The following ULK4 variants were observed in gnomAD, a reference collection of about 807,000 sequenced individuals.
ULK4 encodes inactive serine/threonine-protein kinase ULK4.
In ULK4, 133 loss-of-function variants were observed where a neutral mutation model predicts 160.6. The ratio of observed to expected loss-of-function variants is 0.83; its 90% CI spans 0.72 to 0.96. The LOEUF is 0.96. Ranked by LOEUF, ULK4 falls within the 40% of genes least tolerant of loss-of-function variation. The pLI is 0.00. For missense variants in ULK4, 1,580 were observed against 1,499.5 expected (o/e 1.05, Z -0.89); for synonymous variants, 534 against 539.8 (o/e 0.99, Z 0.15).
At chr3:41,496,586 T>C (rs776093931) in intron 32 of ULK4, among the ~76,000 whole-genome samples, 4 of 151,606 alleles carry the variant, frequency 2.6e-5, no homozygotes, top group Admixed American at 6.6e-5. Flanking sequence ...CCTGGTAGAG[T>C]AATAAAGAAA....
At chr3:41,388,497 T>A (rs1408070056) in intron 35 of ULK4, among the ~76,000 whole-genome samples, 1 of 152,154 alleles carries the variant, frequency 6.6e-6, no homozygotes, top group Non-Finnish European at 1.5e-5. Flanking sequence ...CTAGGGTTTT[T>A]ATGGTTTTAG....
At chr3:41,895,134 G>T (rs564950508) in intron 16 of ULK4, among the ~76,000 whole-genome samples, 1 of 152,276 alleles carries the variant, frequency 6.6e-6, no homozygotes, top group African/African-American at 2.4e-5. Context: ...AGTTAGCCAG[G>T]CACAGTGGCT....
chr3:41,656,815 T>C (rs1475278201), intron 30 of ULK4, among the ~76,000 whole-genome samples: 5 of 152,082 alleles, frequency 3.3e-5, no homozygotes, highest in Non-Finnish European at 7.4e-5. Context: ...ATACAGAACA[T>C]AAACAATTTT....
intron 32 of ULK4, among the ~76,000 whole-genome samples, chr3:41,498,029 T>C (rs944601349): frequency 1.3e-5 from 2 of 152,186 alleles, no homozygotes; most frequent in African/African-American, 4.8e-5. Flanking sequence ...ATAGAAAATC[T>C]GAATAGCGTT....
chr3:41,918,332 CTT>C (rs1699044172), intron 7 of ULK4, 123 bp downstream of exon 7: 1 of 571,368 alleles, frequency 1.8e-6, no homozygotes, highest in African/African-American at 1.9e-5. Flanking sequence ...AAAATATCAA[CTT>C]GGGATCATTT....
At chr3:41,912,149 G>A (rs1253425763) in intron 9 of ULK4, among the ~76,000 whole-genome samples, 1 of 151,978 alleles carries the variant, frequency 6.6e-6, no homozygotes, top group Non-Finnish European at 1.5e-5. Flanking sequence ...GCAACATGGT[G>A]AAACCCTGTC....
intron 35 of ULK4, among the ~76,000 whole-genome samples, chr3:41,359,217 T>A (rs1238365495): frequency 6.6e-6 from 1 of 152,136 alleles, no homozygotes; most frequent in Non-Finnish European, 1.5e-5. Flanking sequence ...GAGGTGCCAA[T>A]GAGCCAAGTG....
intron 31 of ULK4, among the ~76,000 whole-genome samples, chr3:41,569,409 A>G (rs2087894826): frequency 6.6e-6 from 1 of 152,182 alleles, no homozygotes; most frequent in East Asian, 1.9e-4. Context: ...CAGCACCTGA[A>G]GACAGAGTTT....
At chr3:41,289,845 ATG>A (rs2079526204) in intron 35 of ULK4, among the ~76,000 whole-genome samples, 2 of 151,186 alleles carry the variant, frequency 1.3e-5, no homozygotes, top group Non-Finnish European at 2.9e-5. Context: ...GTATGTATGT[ATG>A]TATGTATGTA....
At chr3:41,598,907 G>C (rs1575468460) in intron 31 of ULK4, among the ~76,000 whole-genome samples, 1 of 152,212 alleles carries the variant, frequency 6.6e-6, no homozygotes, top group Non-Finnish European at 1.5e-5. Flanking sequence ...CAGTTCACTG[G>C]AACAGAAATC....
chr3:41,526,396 G>C (rs1227630320), intron 32 of ULK4, among the ~76,000 whole-genome samples: 1 of 152,178 alleles, frequency 6.6e-6, no homozygotes, highest in Non-Finnish European at 1.5e-5. Context: ...ACACTCAAGA[G>C]ACCCATGTGG....
intron 13 of ULK4, 80 bp from the exon 14 acceptor site, chr3:41,898,572 A>G: frequency 3.6e-6 from 3 of 828,528 alleles, no homozygotes; most frequent in South Asian, 3.7e-5. Context: ...CTTATGTCAG[A>G]TAATAAATCA....
At chr3:41,604,471 C>A (rs1239501979) in intron 31 of ULK4, among the ~76,000 whole-genome samples, 2 of 151,994 alleles carry the variant, frequency 1.3e-5, no homozygotes, top group Non-Finnish European at 1.5e-5. Context: ...ATATAGAGCA[C>A]ATGTGTGTTA....
At chr3:41,266,711 A>C (rs2079040939) in intron 35 of ULK4, among the ~76,000 whole-genome samples, 1 of 152,184 alleles carries the variant, frequency 6.6e-6, no homozygotes. Context: ...GTTCAAATTC[A>C]AAGGTATTCT....
At chr3:41,859,724 C>CGGT in intron 17 of ULK4, 1 of 340,760 alleles carries the variant, frequency 2.9e-6, no homozygotes, top group Non-Finnish European at 5.7e-6. Context: ...GTGGCACAAT[C>CGGT]TCAGCTCACT....
intron 35 of ULK4, among the ~76,000 whole-genome samples, chr3:41,257,791 C>G (rs548587214): frequency 6.6e-6 from 1 of 152,226 alleles, no homozygotes; most frequent in South Asian, 2.1e-4. Flanking sequence ...TAGATGCAAC[C>G]AAGCTGTCCT....
At chr3:41,912,926 CTACTT>C in intron 8 of ULK4, 27 bp from the exon 9 acceptor site, 1 of 1,598,298 alleles carries the variant, frequency 6.3e-7, no homozygotes, top group Non-Finnish European at 8.6e-7. Context: ...TGTTAAAACT[CTACTT>C]TAACATGATT....
At chr3:41,702,655 G>A (rs548353577) in intron 27 of ULK4, among the ~76,000 whole-genome samples, 1 of 151,860 alleles carries the variant, frequency 6.6e-6, no homozygotes, top group East Asian at 1.9e-4. Flanking sequence ...AATGATACAA[G>A]GCTGATTTCA....
intron 32 of ULK4, among the ~76,000 whole-genome samples, chr3:41,556,425 C>G (rs1414314535): frequency 1.3e-5 from 2 of 150,974 alleles, no homozygotes; most frequent in African/African-American, 2.4e-5. Flanking sequence ...AGAGCTATCA[C>G]TACTATCATA....
Sources: gnomAD v4.1 joint callset for allele counts (sites outside exome capture counted in the v4.1 genomes callset) on GRCh38, gnomAD v4.1.1 for gene constraint, MANE v1.5 for transcripts, NCBI Gene and HGNC (gene_info 2026-07-23, HGNC 2026-07-21) for gene names.